NOTUM: variants seen among roughly 807,000 people sequenced by gnomAD.
NOTUM encodes the protein palmitoleoyl-protein carboxylesterase NOTUM.
NOTUM carries 36 observed loss-of-function variants against 65.5 expected under a neutral mutation model. That is an observed-to-expected ratio of 0.55 (90% CI 0.42 to 0.73). NOTUM has a LOEUF of 0.73. Ranked by LOEUF, NOTUM falls within the 30% of genes least tolerant of loss-of-function variation. The probability of loss-of-function intolerance (pLI) is 0.00; values close to 1 mark genes in which losing one functional copy is unlikely to be tolerated. For missense variants in NOTUM, 659 were observed against 694.2 expected (o/e 0.95, Z 0.57); for synonymous variants, 356 against 297.9 (o/e 1.20, Z -2.01).
Position 81,952,838 on chromosome 17 carries a change from CA to C in NOTUM, c.*122del, listed in dbSNP as rs1307435046. The C allele has an allele frequency of 1.8e-5, 16 of 870,200 alleles. No homozygotes were observed. Among genetic ancestry groups the C allele is most frequent in the Middle Eastern group, 5.9e-4 (2 of 3,416 alleles). The allele number at this position is 870,200 out of a possible 1,614,324, so 53.9% of individuals were successfully genotyped here. On this transcript the variant is annotated 3_prime_UTR_variant, in exon 11 of 11. Transcript: ENST00000409678. ...CAGGAGGGCAGTGGGCAGACCCAGACAGGGGGGACGGCTGGGGCCCTGTCCC... is the reference window on the plus strand; with the variant it reads ...CAGGAGGGCAGTGGGCAGACCCAGACGGGGGGACGGCTGGGGCCCTGTCCC...
In NOTUM at chr17:81,960,557, G is replaced by GGGCGGGGAGGTGCAGGGCGC. The variant is rs1347753393; in HGVS notation, c.323+10_323+29dup. 2.1e-6 allele frequency: 3 copies of GGGCGGGGAGGTGCAGGGCGC among 1,418,204 alleles called. No homozygotes were observed. Among genetic ancestry groups the GGGCGGGGAGGTGCAGGGCGC allele is most frequent in the Non-Finnish European group, 2.8e-6 (3 of 1,062,604 alleles). The allele number at this position is 1,418,204 out of a possible 1,614,324, so 87.9% of individuals were successfully genotyped here. A position where few individuals can be genotyped will look rare whatever the true frequency, so the allele number is the denominator to read the frequency against. On this transcript the variant is annotated intron_variant, in intron 1 of 10. Transcript: ENST00000409678. The surrounding 1 kb of genome is among the most constrained non-coding windows in gnomAD (Gnocchi z 6.4). ...AGCCGGAGACCGGGCGCGTCGGGCG[G>GGGCGGGGAGGTGCAGGGCGC]GGCGGGGAGGTGCAGGGCGCGGGCC...
intron 9 of NOTUM, among the ~76,000 whole-genome samples, chr17:81,955,013 C>T (rs978724132): frequency 6.6e-6 from 1 of 151,902 alleles, no homozygotes; most frequent in East Asian, 1.9e-4. Flanking sequence ...CAGAGTCTTA[C>T]TCCGTCACCC....
chr17:81,954,388 C>G, intron 9 of NOTUM, 85 bp from the exon 10 acceptor site: 1 of 929,524 alleles, frequency 1.1e-6, no homozygotes, highest in South Asian at 1.5e-5. Flanking sequence ...TGTCCCCCGC[C>G]TGGCCATCAC....
intron 9 of NOTUM, among the ~76,000 whole-genome samples, chr17:81,954,590 C>CT (rs1401486567): frequency 2.0e-5 from 3 of 152,218 alleles, no homozygotes; most frequent in Non-Finnish European, 4.4e-5. Context: ...ATCTAGAACT[C>CT]TATTTTCATT....
intron 1 of NOTUM, 30 bp from the exon 2 acceptor site, chr17:81,959,722 G>A: frequency 7.4e-7 from 1 of 1,349,274 alleles, no homozygotes. Flanking sequence ...GCGGGGGGTC[G>A]GCCAGGGCTG....
intron 3 of NOTUM, chr17:81,959,237 C>CCTGCTTTGA (rs2041455887): frequency 1.6e-6 from 1 of 610,778 alleles, no homozygotes; most frequent in South Asian, 2.0e-5. Flanking sequence ...TGACTTCAAC[C>CCTGCTTTGA]CCTTGCCCTG....
At chr17:81,959,802 C>T (rs1351960098) in intron 1 of NOTUM, 110 bp from the exon 2 acceptor site, 7 of 528,538 alleles carry the variant, frequency 1.3e-5, no homozygotes, top group Non-Finnish European at 1.9e-5. Context: ...CCGCGCGCGA[C>T]GGTCGCACGG....
chr17:81,960,467 C>T lies in NOTUM; in HGVS notation c.323+120G>A. 1.5e-6 allele frequency: 1 copy of T among 687,992 alleles called. No homozygotes were observed. The highest frequency in any genetic ancestry group is 2.2e-5 in the South Asian group (1 of 44,818). 42.6% of individuals were successfully genotyped at this position (687,992 alleles called of 1,614,324 possible). On this transcript the variant is annotated intron_variant, in intron 1 of 10. Coordinates refer to ENST00000409678, the MANE Select transcript of NOTUM (RefSeq NM_178493.6). This position sits in a 1 kb window ranked among gnomAD's most constrained non-coding sequence, Gnocchi z 6.4. ...CGGGCACTCCTCGGGGCCAGGACCG[C>T]GGGGCGCCCGACGGAAGCCCTTTCT...
At chr17:81,957,965 T>G in intron 5 of NOTUM, 57 bp from the exon 6 acceptor site, 8 of 1,239,582 alleles carry the variant, frequency 6.5e-6, no homozygotes, top group South Asian at 2.6e-5. Flanking sequence ...AACCACCTCC[T>G]ACCCCAGAAT....
chr17:81,960,802 G>A lies in NOTUM; in HGVS notation c.108C>T (p.Pro36=). Residue 36 remains proline, a synonymous_variant, in exon 1 of 11, where the codon CCC becomes CCT. Transcript: ENST00000409678. This position sits in a 1 kb window ranked among gnomAD's most constrained non-coding sequence, Gnocchi z 6.4. The part of the protein sequence containing the change: ...WRRRGQQPPP[P]PRTEAAPAAG... ...CCGCCGGCGCCGCCTCGGTCCGCGG[G>A]GGAGGAGGCGGCTGCTGACCCCGGC... is the stretch of plus-strand genomic sequence containing the variant. 1 of 1,544,674 alleles carries A rather than the reference G, an allele frequency of 6.5e-7. No homozygotes were observed. The highest frequency in any genetic ancestry group is 8.7e-7 in the Non-Finnish European group (1 of 1,146,534).
chr17:81,958,455 ACC>A, intron 4 of NOTUM, 62 bp from the exon 5 acceptor site: 1 of 1,107,918 alleles, frequency 9.0e-7, no homozygotes, highest in African/African-American at 1.5e-5. Context: ...TCCAGAAAGG[ACC>A]CCCAGAACAG....
intron 3 of NOTUM, chr17:81,959,238 C>T (rs1010264707): frequency 9.8e-6 from 6 of 610,640 alleles, no homozygotes; most frequent in Admixed American, 2.9e-5. Context: ...GACTTCAACC[C>T]CTTGCCCTGC....
chr17:81,959,242 G>A (rs1598369245), intron 3 of NOTUM: 7 of 610,244 alleles, frequency 1.1e-5, no homozygotes, highest in East Asian at 8.2e-5. Flanking sequence ...TCAACCCCTT[G>A]CCCTGCTTTG....
At chr17:81,959,113 T>A in intron 3 of NOTUM, 118 bp from the exon 4 acceptor site, 1 of 878,520 alleles carries the variant, frequency 1.1e-6, no homozygotes, top group Non-Finnish European at 1.9e-6. Context: ...GGTGTGCTGG[T>A]GTTGCTAGCC....
intron 5 of NOTUM, among the ~76,000 whole-genome samples, chr17:81,958,121 C>G (rs567669573): frequency 2.1e-4 from 32 of 152,274 alleles, no homozygotes; most frequent in Non-Finnish European, 3.5e-4. Flanking sequence ...ATAAGGACCT[C>G]CTACAGTTGT....
chr17:81,957,126 T>TG (rs1180364093), intron 6 of NOTUM, 52 bp from the exon 7 acceptor site: 2 of 1,473,160 alleles, frequency 1.4e-6, no homozygotes, highest in African/African-American at 2.8e-5. Context: ...GGCACTCACC[T>TG]CCCCCGAGTC....
At position 81,960,183 on chromosome 17, in the gene NOTUM, G is replaced by A. The variant is rs967559432; in HGVS notation, c.323+404C>T. On this transcript the variant is annotated intron_variant, in intron 1 of 10. Coordinates refer to ENST00000409678, the MANE Select transcript of NOTUM (RefSeq NM_178493.6). The surrounding 1 kb of genome is among the most constrained non-coding windows in gnomAD (Gnocchi z 6.4). Reference sequence around the variant, plus strand: ...GCCTGTTGAGCGCGTGGGCGGCCCCGCCGCTCCCCGACCCCCGACCTCACG... The same window carrying A: ...GCCTGTTGAGCGCGTGGGCGGCCCCACCGCTCCCCGACCCCCGACCTCACG... Among the ~76,000 whole-genome samples, 1 of 152,132 alleles carries A rather than the reference G, an allele frequency of 6.6e-6. No homozygotes were observed. Among genetic ancestry groups the A allele is most frequent in the African/African-American group, 2.4e-5 (1 of 41,438 alleles).
At position 81,961,034 on chromosome 17, in the gene NOTUM, G is replaced by C; in HGVS notation, c.-125C>G. 1 of 331,136 alleles carries C rather than the reference G, an allele frequency of 3.0e-6. No individual in the cohort carries two copies. The highest frequency in any genetic ancestry group is 1.2e-4 in the South Asian group (1 of 8,600). The allele number at this position is 331,136 out of a possible 1,614,324, so 20.5% of individuals were successfully genotyped here. A position where few individuals can be genotyped will look rare whatever the true frequency, so the allele number is the denominator to read the frequency against. On this transcript the variant is annotated 5_prime_UTR_variant, in exon 1 of 11. Coordinates refer to ENST00000409678, the MANE Select transcript of NOTUM (RefSeq NM_178493.6). ...TGGCCGCTCCTGCTCCCTCGCCCCC[G>C]CTCCCGCCCGCCGGGCCTGGCGGAG...
At position 81,952,984 on chromosome 17, in the gene NOTUM, C is replaced by G; in HGVS notation, c.1468G>C (p.Gly490Arg). ...GCCTAGCTTCCGTTGCTCAGCATCC[C>G]CAGCAGCTCACTGGGCTCCAGTCCC... ...PQGLEPSELLGMLSNGS is the reference protein window; with the variant it reads ...PQGLEPSELLRMLSNGS The change falls in exon 11 of 11, where the codon GGG (glycine) becomes CGG (arginine). Residue 490 changes from glycine (G) to arginine (R), a missense_variant. By Grantham distance (125) the Gly-to-Arg change is moderately radical. Coordinates refer to ENST00000409678, the MANE Select transcript of NOTUM (RefSeq NM_178493.6). 6.2e-7 allele frequency: 1 copy of G among 1,613,930 alleles called. No homozygotes were observed. Among genetic ancestry groups the G allele is most frequent in the Non-Finnish European group, 8.5e-7 (1 of 1,180,000 alleles).
Sources: gnomAD v4.1 joint callset for allele counts (sites outside exome capture counted in the v4.1 genomes callset) on GRCh38, gnomAD v4.1.1 for gene constraint, Gnocchi (gnomAD v3.1) non-coding constraint, MANE v1.5 for transcripts, NCBI Gene and HGNC (gene_info 2026-07-23, HGNC 2026-07-21) for gene names.